HOXC6: variants seen among roughly 807,000 people sequenced by gnomAD.
The protein encoded by HOXC6 is homeobox C6.
A neutral mutation model predicts 24.0 loss-of-function variants in HOXC6; 10 were observed. That is an observed-to-expected ratio of 0.42 (90% confidence interval 0.26 to 0.71). The LOEUF is 0.71. Ranked by LOEUF, HOXC6 falls within the 30% of genes least tolerant of loss-of-function variation. The pLI is 0.28. For missense variants in HOXC6, 258 were observed against 303.4 expected, an observed-to-expected ratio of 0.85 and a Z score of 1.11; for synonymous variants, 123 against 128.1, an observed-to-expected ratio of 0.96 and a Z score of 0.27.
intron 1 of HOXC6, among the ~76,000 whole-genome samples, chr12:54,022,809 T>C (rs1175193830): frequency 6.6e-6 from 1 of 151,974 alleles, no homozygotes; most frequent in Non-Finnish European, 1.5e-5. Context: ...TAATACCGAG[T>C]TCTTGAATTT....
At position 54,028,644 on chromosome 12, in the gene HOXC6, A is replaced by G; in HGVS notation, c.123A>G (p.Gly41=). The G allele has an allele frequency of 6.2e-7, 1 of 1,613,918 alleles. No individual in the cohort carries two copies. The highest frequency in any genetic ancestry group is 2.2e-5 in the East Asian group (1 of 44,858). ...CAGTGAGGCATTTCTCGACCTATGGAGCGGCCGTTGCCCAGAACCGGATCT... is the reference window on the plus strand; with the variant it reads ...CAGTGAGGCATTTCTCGACCTATGGGGCGGCCGTTGCCCAGAACCGGATCT... ...YDPVRHFSTY[G]AAVAQNRIYS... is the part of the protein sequence containing the mutation. Residue 41 remains glycine, a synonymous_variant, in exon 1 of 2, where the codon GGA becomes GGG. Transcript: ENST00000243108.
chr12:54,025,413 C>T (rs1467358502), upstream of HOXC6, among the ~76,000 whole-genome samples: 1 of 151,786 alleles, frequency 6.6e-6, no homozygotes, highest in Non-Finnish European at 1.5e-5. Context: ...AGATCGGGCT[C>T]ATCTGACCTG....
intron 1 of HOXC6, among the ~76,000 whole-genome samples, chr12:54,022,891 G>C (rs1009507290): frequency 2.0e-5 from 3 of 152,198 alleles, no homozygotes; most frequent in Non-Finnish European, 4.4e-5. Context: ...GAAGCCAGGA[G>C]GCTGGGGATC....
upstream of HOXC6, among the ~76,000 whole-genome samples, chr12:54,025,528 G>T (rs1404014353): frequency 1.5e-4 from 4 of 26,040 alleles, no homozygotes; most frequent in Admixed American, 2.3e-4. Flanking sequence ...AAAGGTAATT[G>T]GGGGGGGGGG....
chr12:54,018,130 C>T (rs1329974542), intron 1 of HOXC6, among the ~76,000 whole-genome samples: 1 of 152,064 alleles, frequency 6.6e-6, no homozygotes, highest in Non-Finnish European at 1.5e-5. Context: ...GTGGGAGGTG[C>T]CCTGCGTTGG....
At chr12:54,027,888 T>G (rs1735703060), upstream of HOXC6, among the ~76,000 whole-genome samples, 1 of 152,122 alleles carries the variant, frequency 6.6e-6, no homozygotes, top group South Asian at 2.1e-4. Flanking sequence ...TTTATGAAAT[T>G]TCTTTCTACT....
intron 1 of HOXC6, chr12:54,020,198 G>A (rs2136418000): frequency 6.6e-6 from 1 of 152,348 alleles, no homozygotes. Context: ...TCTAATAATA[G>A]CCAGGGTGGC....
upstream of HOXC6, among the ~76,000 whole-genome samples, chr12:54,024,344 T>G (rs1940588995): frequency 1.3e-5 from 2 of 151,902 alleles, no homozygotes; most frequent in Admixed American, 1.3e-4. Flanking sequence ...AGTGCTTGGG[T>G]CCCCGAGCAG....
upstream of HOXC6, chr12:54,028,433 C>T: frequency 1.4e-6 from 2 of 1,395,314 alleles, no homozygotes; most frequent in East Asian, 2.3e-5. Flanking sequence ...GGATTGGAGC[C>T]GTCCCTATAA....
Position 54,028,705 on chromosome 12 carries a change from G to C in HOXC6, c.184G>C (p.Val62Leu), listed in dbSNP as rs747377713. ...TPFYSPQENV[V>L]FSSSRGPYDY... ...CTTTTATTCGCCACAGGAGAATGTCGTGTTCAGTTCCAGCCGGGGGCCGTA... is the reference window on the plus strand; with the variant it reads ...CTTTTATTCGCCACAGGAGAATGTCCTGTTCAGTTCCAGCCGGGGGCCGTA... The change falls in exon 1 of 2, where the codon GTG becomes CTG. Residue 62 changes from valine to leucine, a missense_variant. Transcript: ENST00000243108. 1.2e-6 allele frequency: 2 copies of C among 1,614,000 alleles called. No individual in the cohort carries two copies. Among genetic ancestry groups the C allele is most frequent in the East Asian group, 4.5e-5 (2 of 44,862 alleles).
In HOXC6 at chr12:54,028,611, C is replaced by G; in HGVS notation, c.90C>G (p.Ala30=). ...VLPNVALNST[A]YDPVRHFSTY... ...CCAACGTCGCCCTCAATTCCACCGC[C>G]TATGATCCAGTGAGGCATTTCTCGA... The change falls in exon 1 of 2, where the codon GCC becomes GCG. Residue 30 remains alanine, a synonymous_variant. Coordinates refer to ENST00000243108, the MANE Select transcript of HOXC6 (RefSeq NM_004503.4). 1 of 1,614,168 alleles carries G rather than the reference C, an allele frequency of 6.2e-7. No individual in the cohort carries two copies. The highest frequency in any genetic ancestry group is 1.1e-5 in the South Asian group (1 of 91,074).
At chr12:54,027,815 T>G (rs182215420), upstream of HOXC6, among the ~76,000 whole-genome samples, 154 of 152,308 alleles carry the variant, frequency 1.0e-3, 1 homozygote, top group African/African-American at 3.6e-3. Context: ...GACCTAGTTG[T>G]TCCCCACATC....
At chr12:54,026,106 A>ATC (rs1447196648), upstream of HOXC6, among the ~76,000 whole-genome samples, 1 of 152,096 alleles carries the variant, frequency 6.6e-6, no homozygotes, top group Non-Finnish European at 1.5e-5. Context: ...CCCTCTAGCA[A>ATC]TCTCTCTCTG....
intron 1 of HOXC6, chr12:54,020,394 G>C (rs1199445796): frequency 2.0e-5 from 3 of 152,342 alleles, no homozygotes; most frequent in South Asian, 2.1e-4. Flanking sequence ...TTCATGTGCT[G>C]GTTCCTAGCT....
rs1940828322 is a variant in HOXC6, at chr12:54,028,441, T to C, written c.-81T>C. ...CTGTCCTGGATTGGAGCCGTCCCTA[T>C]AACCATCTAGTTCCGAGTACAAACT... On this transcript the variant is annotated 5_prime_UTR_variant, in exon 1 of 2. Transcript: ENST00000243108. 1.4e-6 allele frequency: 2 copies of C among 1,465,348 alleles called. No individual in the cohort carries two copies. Among genetic ancestry groups the C allele is most frequent in the East Asian group, 4.6e-5 (2 of 43,808 alleles). 90.8% of individuals were successfully genotyped at this position (1,465,348 alleles called of 1,614,324 possible). A position where few individuals can be genotyped will look rare whatever the true frequency, so the allele number is the denominator to read the frequency against.
upstream of HOXC6, among the ~76,000 whole-genome samples, chr12:54,026,765 CT>C (rs1426975328): frequency 2.0e-5 from 3 of 152,172 alleles, no homozygotes; most frequent in Non-Finnish European, 4.4e-5. Flanking sequence ...TTTTTCCCCC[CT>C]AGCGACACTC....
chr12:54,023,406 T>A (rs781435398), intron 1 of HOXC6, among the ~76,000 whole-genome samples: 2 of 152,172 alleles, frequency 1.3e-5, no homozygotes, highest in Non-Finnish European at 2.9e-5. Flanking sequence ...GGCAGAAATC[T>A]GGAAAGAGAG....
chr12:54,029,380 GCTTT>G, intron 1 of HOXC6, among the ~76,000 whole-genome samples: 1 of 150,710 alleles, frequency 6.6e-6, no homozygotes, highest in South Asian at 2.1e-4. Flanking sequence ...TAGACTTGCA[GCTTT>G]CTGTTTGCCT....
At chr12:54,019,525 G>T (rs1940332861) in intron 1 of HOXC6, among the ~76,000 whole-genome samples, 2 of 152,064 alleles carry the variant, frequency 1.3e-5, no homozygotes, top group Admixed American at 6.5e-5. Flanking sequence ...TCTCTCTTTC[G>T]CCTGCATTTT....
Sources: gnomAD v4.1 joint callset for allele counts (sites outside exome capture counted in the v4.1 genomes callset) on GRCh38, gnomAD v4.1.1 for gene constraint, MANE v1.5 for transcripts, NCBI Gene and HGNC (gene_info 2026-07-23, HGNC 2026-07-21) for gene names.